Variants in RAB33B observed in about 807,000 individuals in gnomAD.
RAB33B encodes the protein ras-related protein Rab-33B.
In RAB33B, 6 loss-of-function variants were observed where a neutral mutation model predicts 15.0. The observed-to-expected ratio is 0.40, with a 90% CI of 0.22 to 0.79. The LOEUF is 0.79. RAB33B is among the 30% of genes least tolerant of loss of function. The pLI is 0.37. For missense variants in RAB33B, 257 were observed against 296.4 expected (o/e 0.87, Z 0.98); for synonymous variants, 117 against 108.3 (o/e 1.08, Z -0.50).
chr4:139,468,871 T>C (rs1750341030), intron 1 of RAB33B, among the ~76,000 whole-genome samples: 1 of 152,228 alleles, frequency 6.6e-6, no homozygotes, highest in South Asian at 2.1e-4. Flanking sequence ...CACTTGGAAA[T>C]ATATCATGCC....
the RAB33B span, among the ~76,000 whole-genome samples, chr4:139,439,108 A>G: frequency 6.6e-6 from 1 of 151,996 alleles, no homozygotes; most frequent in African/African-American, 2.4e-5. Flanking sequence ...CGCCTCCTGG[A>G]TTCATGCCAT....
At chr4:139,460,696 C>G (rs1750155408) in intron 1 of RAB33B, among the ~76,000 whole-genome samples, 1 of 152,176 alleles carries the variant, frequency 6.6e-6, no homozygotes, top group Non-Finnish European at 1.5e-5. Context: ...ATGCGCAGTT[C>G]AGGTATCCTA....
chr4:139,454,127 G>A lies in RAB33B; in HGVS notation c.-69G>A. 6.6e-7 allele frequency: 1 copy of A among 1,516,732 alleles called. No homozygotes were observed. Among genetic ancestry groups the A allele is most frequent in the Non-Finnish European group, 8.8e-7 (1 of 1,131,806 alleles). The allele number at this position is 1,516,732 out of a possible 1,614,324, so 94.0% of individuals were successfully genotyped here. On this transcript the variant is annotated 5_prime_UTR_variant, in exon 1 of 2. Coordinates refer to ENST00000305626, the MANE Select transcript of RAB33B (RefSeq NM_031296.3). Reference sequence around the variant, plus strand: ...ACTGGCCGGCTGGGCGCGCGCTCTTGCGGTGGCGTAATCTCTCAGCCTTTC... The same window carrying A: ...ACTGGCCGGCTGGGCGCGCGCTCTTACGGTGGCGTAATCTCTCAGCCTTTC...
rs575262316 is a variant in RAB33B, at chr4:139,475,258, T to G, written c.*2132T>G. 23 of 152,198 alleles carry G rather than the reference T, an allele frequency of 1.5e-4. No homozygotes were observed. The South Asian group carries it at 4.6e-3, about 30-fold the overall frequency. 9.4% of individuals were successfully genotyped at this position (152,198 alleles called of 1,614,324 possible). On this transcript the variant is annotated 3_prime_UTR_variant, in exon 2 of 2. Coordinates refer to ENST00000305626, the MANE Select transcript of RAB33B (RefSeq NM_031296.3). ...TTAAAGAAGGGAATCTGTTTATCGC[T>G]TTTCAAAATATTTTCTAAAGTGGGG...
intron 1 of RAB33B, among the ~76,000 whole-genome samples, chr4:139,460,090 T>C (rs534680374): frequency 6.6e-6 from 1 of 152,230 alleles, no homozygotes; most frequent in Non-Finnish European, 1.5e-5. Context: ...AAAGCCAAAG[T>C]CTTCAGTAAC....
chr4:139,444,813 C>A, the RAB33B span, among the ~76,000 whole-genome samples: 1 of 152,182 alleles, frequency 6.6e-6, no homozygotes, highest in Admixed American at 6.5e-5. Context: ...GGCAGAACCC[C>A]CACATTGGCT....
At chr4:139,445,134 C>G in the RAB33B span, among the ~76,000 whole-genome samples, 1 of 152,244 alleles carries the variant, frequency 6.6e-6, no homozygotes, top group Non-Finnish European at 1.5e-5. Context: ...ACTGCTTGAG[C>G]AAATTAACAC....
the RAB33B span, among the ~76,000 whole-genome samples, chr4:139,442,317 A>T: frequency 1.2e-4 from 19 of 152,240 alleles, no homozygotes; most frequent in East Asian, 3.7e-3. Context: ...AAAATTGTCT[A>T]TTACTTCCCT....
upstream of RAB33B, chr4:139,451,227 G>T (rs1335805098): frequency 6.6e-6 from 1 of 151,928 alleles, no homozygotes; most frequent in Non-Finnish European, 1.5e-5. Context: ...AGAGATGGGG[G>T]TCTCGCTGTG....
At chr4:139,440,470 G>A in the RAB33B span, among the ~76,000 whole-genome samples, 5 of 152,126 alleles carry the variant, frequency 3.3e-5, no homozygotes, top group Non-Finnish European at 5.9e-5. Flanking sequence ...CAGATCTAAC[G>A]TTTTGAGGAC....
At chr4:139,464,635 G>A (rs566061278) in intron 1 of RAB33B, among the ~76,000 whole-genome samples, 43 of 152,140 alleles carry the variant, frequency 2.8e-4, no homozygotes, top group Non-Finnish European at 4.9e-4. Flanking sequence ...GAGAACATGC[G>A]GTGTTTGGTT....
At chr4:139,457,159 C>T (rs1159406545) in intron 1 of RAB33B, among the ~76,000 whole-genome samples, 1 of 152,036 alleles carries the variant, frequency 6.6e-6, no homozygotes, top group African/African-American at 2.4e-5. Flanking sequence ...TTTCAGAATC[C>T]GTTAAAATGT....
intron 1 of RAB33B, among the ~76,000 whole-genome samples, chr4:139,470,642 G>A (rs769089862): frequency 6.6e-6 from 1 of 152,196 alleles, no homozygotes; most frequent in Non-Finnish European, 1.5e-5. Context: ...TATGTGCTGA[G>A]TCTCACTTGC....
the RAB33B span, among the ~76,000 whole-genome samples, chr4:139,442,157 G>A: frequency 6.6e-6 from 1 of 152,074 alleles, no homozygotes; most frequent in Non-Finnish European, 1.5e-5. Context: ...TGTTAACAGA[G>A]TGTGTAACTT....
intron 1 of RAB33B, among the ~76,000 whole-genome samples, chr4:139,457,165 A>G (rs748822436): frequency 5.9e-5 from 9 of 152,336 alleles, no homozygotes; most frequent in Admixed American, 2.0e-4. Flanking sequence ...AATCCGTTAA[A>G]ATGTTTTATG....
At chr4:139,470,088 C>CAT (rs1192919750) in intron 1 of RAB33B, among the ~76,000 whole-genome samples, 3 of 152,250 alleles carry the variant, frequency 2.0e-5, no homozygotes, top group Non-Finnish European at 2.9e-5. Flanking sequence ...TAGGACTCTA[C>CAT]AATCAGCAGG....
chr4:139,454,868 A>G, intron 1 of RAB33B, among the ~76,000 whole-genome samples: 1 of 152,214 alleles, frequency 6.6e-6, no homozygotes, highest in East Asian at 1.9e-4. Flanking sequence ...AGTAATAGTT[A>G]TTAAACATTC....
the RAB33B span, among the ~76,000 whole-genome samples, chr4:139,448,112 G>A: frequency 1.3e-5 from 2 of 152,166 alleles, no homozygotes; most frequent in East Asian, 3.9e-4. Context: ...GATCTATTAA[G>A]GTGTCTCTTA....
the RAB33B span, among the ~76,000 whole-genome samples, chr4:139,441,566 TAC>T: frequency 6.6e-6 from 1 of 152,196 alleles, no homozygotes; most frequent in Non-Finnish European, 1.5e-5. Context: ...AGTTCTAAAA[TAC>T]AGATGGTTCC....
Sources: allele counts gnomAD v4.1 joint callset (sites outside exome capture counted in the v4.1 genomes callset), GRCh38; gene constraint gnomAD v4.1.1; transcripts MANE v1.5; gene names NCBI Gene and HGNC (gene_info 2026-07-23, HGNC 2026-07-21).